Variants in AIG1 observed in about 807,000 individuals in gnomAD.
AIG1 encodes the protein androgen induced 1.
AIG1 carries 23 observed loss-of-function variants against 31.4 expected under a neutral mutation model. The ratio of observed to expected loss-of-function variants is 0.73; its 90% CI spans 0.53 to 1.04. The LOEUF (loss-of-function observed/expected upper bound fraction) is 1.04, where lower values mean the gene tolerates loss of function less well. Among genes scored for constraint, AIG1 ranks in the 50% least tolerant of loss-of-function variants. The pLI is 0.00. For missense variants in AIG1, 274 were observed against 295.0 expected, an observed-to-expected ratio of 0.93 and a Z score of 0.52; for synonymous variants, 100 against 110.5, an observed-to-expected ratio of 0.90 and a Z score of 0.60.
At chr6:143,120,850 G>A (rs189184514) in intron 1 of AIG1, among the ~76,000 whole-genome samples, 137 of 152,276 alleles carry the variant, frequency 9.0e-4, no homozygotes, top group African/African-American at 2.7e-3. Context: ...TGACATGTTC[G>A]TGATGGCCGT....
chr6:143,236,493 A>G (rs1238929989), intron 3 of AIG1, among the ~76,000 whole-genome samples: 2 of 152,228 alleles, frequency 1.3e-5, no homozygotes, highest in Non-Finnish European at 2.9e-5. Flanking sequence ...CACTGAGTCA[A>G]GCTACTGTGG....
At position 143,333,192 on chromosome 6, in the gene AIG1, A is replaced by G; in HGVS notation, c.516-90A>G. ...CTGGCAAATGCTGAAGCATGGGGAG[A>G]GTGAGGGAGTGTATATTTGCATCAT... On this transcript the variant is annotated intron_variant, in intron 4 of 5. Transcript: ENST00000357847. The surrounding 1 kb of genome is among the most constrained non-coding windows in gnomAD (Gnocchi z 4.6). 1 of 1,268,466 alleles carries G rather than the reference A, an allele frequency of 7.9e-7. No homozygotes were observed. Among genetic ancestry groups the G allele is most frequent in the Non-Finnish European group, 1.1e-6 (1 of 949,598 alleles). 78.6% of individuals were successfully genotyped at this position (1,268,466 alleles called of 1,614,324 possible). A position where few individuals can be genotyped will look rare whatever the true frequency, so the allele number is the denominator to read the frequency against.
At chr6:143,332,316 A>C (rs1777147772) in intron 4 of AIG1, among the ~76,000 whole-genome samples, 1 of 152,248 alleles carries the variant, frequency 6.6e-6, no homozygotes, top group African/African-American at 2.4e-5. Flanking sequence ...AATTGCCAAC[A>C]GTTTATAAAG....
chr6:143,199,667 A>G (rs1790532416), intron 3 of AIG1, among the ~76,000 whole-genome samples: 1 of 152,164 alleles, frequency 6.6e-6, no homozygotes, highest in South Asian at 2.1e-4. Flanking sequence ...TTCATTAACA[A>G]TTTGCTTTTG....
rs1793701431 is a variant in AIG1 at position 143,234,945 on chromosome 6, A to ATTAT, written c.400-49163_400-49160dup. 2.6e-5 allele frequency among the ~76,000 whole-genome samples: 4 copies of ATTAT among 152,178 alleles called. No individual in the cohort carries two copies. In the South Asian group the frequency reaches 8.3e-4, roughly 32 times the overall value. ...GATTGTCTTGGAATGTGGCAAAGGGATTATTCCCTCTGAGTTAAATGCACT... is the reference window on the plus strand; with the variant it reads ...GATTGTCTTGGAATGTGGCAAAGGGATTATTTATTCCCTCTGAGTTAAATGCACT... On this transcript the variant is annotated intron_variant, in intron 3 of 5. Coordinates refer to ENST00000357847, the MANE Select transcript of AIG1 (RefSeq NM_016108.4).
At chr6:143,290,108 G>T (rs1797951325) in intron 4 of AIG1, among the ~76,000 whole-genome samples, 1 of 152,070 alleles carries the variant, frequency 6.6e-6, no homozygotes, top group Non-Finnish European at 1.5e-5. Flanking sequence ...GTTACTGGCG[G>T]CATATATGTA....
Position 143,338,206 on chromosome 6 carries a change from G to A in AIG1, c.680-1433G>A. On this transcript the variant is annotated intron_variant, in intron 5 of 5. Transcript: ENST00000357847. The surrounding 1 kb of genome is among the most constrained non-coding windows in gnomAD (Gnocchi z 4.3). ...GACAGAGCTGAGGTTCAAGACACAT[G>A]TGCTGTTTGAGCTGAATCTGTGCTG... 1 of 394,440 alleles carries A rather than the reference G, an allele frequency of 2.5e-6. No individual in the cohort carries two copies. The highest frequency in any genetic ancestry group is 4.5e-6 in the Non-Finnish European group (1 of 223,874). The allele number at this position is 394,440 out of a possible 1,614,324, so 24.4% of individuals were successfully genotyped here.
At chr6:143,221,858 A>C (rs748740628) in intron 3 of AIG1, among the ~76,000 whole-genome samples, 1 of 152,142 alleles carries the variant, frequency 6.6e-6, no homozygotes, top group Admixed American at 6.5e-5. Context: ...TGCTGAACAG[A>C]TCAGTATTTT....
At chr6:143,105,263 G>A (rs1780698534) in intron 1 of AIG1, among the ~76,000 whole-genome samples, 1 of 152,116 alleles carries the variant, frequency 6.6e-6, no homozygotes, top group East Asian at 1.9e-4. Context: ...CAGATACACT[G>A]AAACAGCCTT....
At chr6:143,306,330 T>C (rs992950839) in intron 4 of AIG1, among the ~76,000 whole-genome samples, 16 of 152,198 alleles carry the variant, frequency 1.1e-4, no homozygotes, top group African/African-American at 3.9e-4. Flanking sequence ...TTGATGGTCT[T>C]TACAATTTGG....
intron 4 of AIG1, among the ~76,000 whole-genome samples, chr6:143,295,804 A>G (rs1182933898): frequency 6.6e-6 from 1 of 152,130 alleles, no homozygotes; most frequent in Admixed American, 6.6e-5. Flanking sequence ...CTCTTTCTCC[A>G]AAGTCTGCCC....
chr6:143,067,078 A>G (rs1222664016), intron 1 of AIG1, among the ~76,000 whole-genome samples: 1 of 152,050 alleles, frequency 6.6e-6, no homozygotes, highest in Admixed American at 6.5e-5. Context: ...GGGCAGGAGG[A>G]TGACTTGAGC....
chr6:143,159,353 C>G (rs929042296), intron 2 of AIG1, among the ~76,000 whole-genome samples: 1 of 152,156 alleles, frequency 6.6e-6, no homozygotes, highest in African/African-American at 2.4e-5. Context: ...TCATTACTTC[C>G]TCAGTCAGTA....
intron 3 of AIG1, among the ~76,000 whole-genome samples, chr6:143,266,474 G>A (rs1796167121): frequency 6.6e-6 from 1 of 152,074 alleles, no homozygotes; most frequent in South Asian, 2.1e-4. Flanking sequence ...GAAACTAAGA[G>A]GGTAGACCCT....
At chr6:143,187,309 A>G (rs1789350687) in intron 3 of AIG1, 8 of 1,213,410 alleles carry the variant, frequency 6.6e-6, no homozygotes, top group South Asian at 1.3e-5. Context: ...ATATTCACAC[A>G]TATGGCAAAT....
chr6:143,287,566 A>G (rs988582737), intron 4 of AIG1, among the ~76,000 whole-genome samples: 2 of 152,064 alleles, frequency 1.3e-5, no homozygotes, highest in Admixed American at 1.3e-4. Context: ...TGTTTAGAAG[A>G]AATACATAAG....
At chr6:143,271,728 G>A (rs777082180) in intron 3 of AIG1, among the ~76,000 whole-genome samples, 3 of 152,212 alleles carry the variant, frequency 2.0e-5, no homozygotes, top group South Asian at 2.1e-4. Flanking sequence ...TTGTGAATAC[G>A]CGGCTTAAAT....
chr6:143,286,547 A>G (rs114923025), intron 4 of AIG1, among the ~76,000 whole-genome samples: 2,355 of 152,262 alleles, frequency 0.015, 65 homozygotes, highest in African/African-American at 0.054. Flanking sequence ...ATTGTTATCA[A>G]AAAGGTACTG....
At chr6:143,067,565 C>T (rs1776827140) in intron 1 of AIG1, among the ~76,000 whole-genome samples, 1 of 152,126 alleles carries the variant, frequency 6.6e-6, no homozygotes, top group Non-Finnish European at 1.5e-5. Flanking sequence ...AAATAAGCTG[C>T]TTAAGTATAC....
Sources: gnomAD v4.1 joint callset for allele counts (sites outside exome capture counted in the v4.1 genomes callset) on GRCh38, gnomAD v4.1.1 for gene constraint, Gnocchi (gnomAD v3.1) non-coding constraint, MANE v1.5 for transcripts, NCBI Gene and HGNC (gene_info 2026-07-23, HGNC 2026-07-21) for gene names.